The following SLCO6A1 variants were observed in gnomAD, a reference collection of about 807,000 sequenced individuals.
The protein encoded by SLCO6A1 is cancer/testis antigen 48.
Under a neutral mutation model 72.7 loss-of-function variants are expected in SLCO6A1, and 65 were observed. The ratio of observed to expected loss-of-function variants is 0.89; its 90% confidence interval spans 0.73 to 1.10. SLCO6A1 has a LOEUF of 1.10. Ranked by LOEUF, SLCO6A1 falls within the 50% of genes least tolerant of loss-of-function variation. The pLI is 0.00. For missense variants in SLCO6A1, 874 were observed against 872.6 expected, an observed-to-expected ratio of 1.00 and a Z score of -0.02; for synonymous variants, 314 against 298.2, an observed-to-expected ratio of 1.05 and a Z score of -0.55.
At chr5:102,412,936 TATA>T (rs1748067637) in intron 9 of SLCO6A1, 51 bp downstream of exon 9, 1 of 768,640 alleles carries the variant, frequency 1.3e-6, no homozygotes, top group African/African-American at 1.8e-5. Flanking sequence ...ATAATTATAA[TATA>T]ATGAAAATAT....
At chr5:102,480,655 CCTCT>C (rs531804003) in intron 1 of SLCO6A1, among the ~76,000 whole-genome samples, 1 of 152,114 alleles carries the variant, frequency 6.6e-6, no homozygotes, top group Non-Finnish European at 1.5e-5. Flanking sequence ...TTTTTAACTA[CCTCT>C]CTGAGTAATT....
intron 9 of SLCO6A1, among the ~76,000 whole-genome samples, chr5:102,407,159 A>G (rs895909777): frequency 6.6e-6 from 1 of 152,190 alleles, no homozygotes; most frequent in Non-Finnish European, 1.5e-5. Flanking sequence ...TGACATGTCC[A>G]CCAGTGTGCC....
At chr5:102,456,744 A>G (rs1466644331) in intron 6 of SLCO6A1, among the ~76,000 whole-genome samples, 1 of 152,220 alleles carries the variant, frequency 6.6e-6, no homozygotes, top group Non-Finnish European at 1.5e-5. Flanking sequence ...CAGAATTGGA[A>G]AAAACTACTT....
intron 10 of SLCO6A1, among the ~76,000 whole-genome samples, chr5:102,391,500 A>G (rs1746757256): frequency 6.6e-6 from 1 of 152,092 alleles, no homozygotes; most frequent in African/African-American, 2.4e-5. Context: ...TCTTCTGGCT[A>G]CTGATTGGGA....
chr5:102,491,237 T>C (rs1752662070), intron 1 of SLCO6A1, among the ~76,000 whole-genome samples: 1 of 152,158 alleles, frequency 6.6e-6, no homozygotes, highest in African/African-American at 2.4e-5. Flanking sequence ...TTGAGCTAGA[T>C]ACAGAGTGCT....
At chr5:102,397,025 G>T (rs1449465645) in intron 10 of SLCO6A1, among the ~76,000 whole-genome samples, 2 of 152,040 alleles carry the variant, frequency 1.3e-5, no homozygotes, top group Admixed American at 6.5e-5. Flanking sequence ...GTTACAGTGT[G>T]GATTAAGTTG....
chr5:102,480,658 C>T (rs1752149367), intron 1 of SLCO6A1, among the ~76,000 whole-genome samples: 1 of 152,138 alleles, frequency 6.6e-6, no homozygotes, highest in Non-Finnish European at 1.5e-5. Flanking sequence ...TTAACTACCT[C>T]TCTGAGTAAT....
At chr5:102,483,538 GGCAA>G (rs1285874164) in intron 1 of SLCO6A1, among the ~76,000 whole-genome samples, 3 of 152,140 alleles carry the variant, frequency 2.0e-5, no homozygotes, top group Non-Finnish European at 4.4e-5. Flanking sequence ...CTACTGAAGT[GGCAA>G]GCAATTTTTG....
chr5:102,441,757 TA>T lies in SLCO6A1; in HGVS notation c.1132-2997del, dbSNP rs1749846237. Among the ~76,000 whole-genome samples the T allele has an allele frequency of 3.3e-5, 5 of 151,942 alleles. No individual in the cohort carries two copies. In the South Asian group the frequency reaches 6.2e-4, roughly 19 times the overall value. ...TTTTAATTTTTTCATGAAGTTTTTT[TA>T]GCATCTCTGTTAAATAAATTTCTGA... On this transcript the variant is annotated intron_variant, in intron 6 of 13. Coordinates refer to ENST00000506729, the MANE Select transcript of SLCO6A1 (RefSeq NM_173488.5).
intron 4 of SLCO6A1, among the ~76,000 whole-genome samples, chr5:102,474,196 T>C (rs944460339): frequency 6.6e-6 from 1 of 151,824 alleles, no homozygotes; most frequent in Admixed American, 6.6e-5. Context: ...GCTACAGTCC[T>C]CAAAACAGTA....
rs1451021557 is a variant in SLCO6A1, at chr5:102,490,747, C to T, written c.358+7740G>A. 3.3e-5 allele frequency among the ~76,000 whole-genome samples: 5 copies of T among 152,014 alleles called. No individual in the cohort carries two copies. In the South Asian group the frequency reaches 8.4e-4, roughly 25 times the overall value. ...TTCAGGTGGCACATCTGGAGTTGTT[C>T]GTTCCTCCTGGTGGGTTCGTGGTCT... is the stretch of plus-strand genomic sequence containing the variant. On this transcript the variant is annotated intron_variant, in intron 1 of 13. Coordinates refer to ENST00000506729, the MANE Select transcript of SLCO6A1 (RefSeq NM_173488.5).
At chr5:102,468,273 T>C (rs1751409303) in intron 4 of SLCO6A1, among the ~76,000 whole-genome samples, 1 of 152,100 alleles carries the variant, frequency 6.6e-6, no homozygotes, top group Non-Finnish European at 1.5e-5. Context: ...TCTTGGAGAA[T>C]GTTCCATGTG....
intron 9 of SLCO6A1, among the ~76,000 whole-genome samples, chr5:102,405,862 G>A (rs1436141994): frequency 1.3e-5 from 2 of 151,848 alleles, no homozygotes; most frequent in South Asian, 2.1e-4. Context: ...ATAGCTATAA[G>A]ACATGTTACA....
chr5:102,379,292 C>G (rs1458007777), intron 12 of SLCO6A1, among the ~76,000 whole-genome samples: 3 of 151,930 alleles, frequency 2.0e-5, no homozygotes, highest in African/African-American at 7.3e-5. Context: ...AATTTTACTA[C>G]AGTCTGATTT....
chr5:102,498,018 A>G (rs1225790495), intron 1 of SLCO6A1, among the ~76,000 whole-genome samples: 1 of 152,092 alleles, frequency 6.6e-6, no homozygotes, highest in African/African-American at 2.4e-5. Flanking sequence ...TGGGTCAACT[A>G]GTTCTGCCAT....
intron 12 of SLCO6A1, among the ~76,000 whole-genome samples, chr5:102,383,314 A>G (rs1288928082): frequency 6.6e-6 from 1 of 151,446 alleles, no homozygotes; most frequent in Non-Finnish European, 1.5e-5. Flanking sequence ...GCTTTTCACA[A>G]CCATGATATT....
intron 6 of SLCO6A1, among the ~76,000 whole-genome samples, chr5:102,446,144 C>A (rs369942113): frequency 6.6e-6 from 1 of 152,160 alleles, no homozygotes; most frequent in Non-Finnish European, 1.5e-5. Context: ...AGTATTAAAT[C>A]TGTAAATAGC....
intron 10 of SLCO6A1, among the ~76,000 whole-genome samples, chr5:102,393,119 T>C (rs948928542): frequency 9.9e-5 from 15 of 152,130 alleles, no homozygotes; most frequent in South Asian, 2.1e-4. Context: ...TTCAAGCGTA[T>C]AGCTTCATGA....
rs756526781 is a variant in SLCO6A1 at position 102,413,066 on chromosome 5, C to T, written c.1550G>A (p.Cys517Tyr). Residue 517 changes from cysteine to tyrosine, a missense_variant, in exon 9 of 14, where the codon TGT (cysteine) becomes TAT (tyrosine). Cys to Tyr is a radical substitution (Grantham distance 194, BLOSUM62 -2). Transcript: ENST00000506729. Reference sequence around the variant, plus strand: ...AAAATATTCAATATCATCTCTTCCACATATAGAAGAATAAATTGAAGATGA... The same window carrying T: ...AAAATATTCAATATCATCTCTTCCATATATAGAAGAATAAATTGAAGATGA... ...RCSSSIYSSI[C>Y]GRDDIEYFSP... 5.1e-6 allele frequency: 8 copies of T among 1,577,694 alleles called. No individual in the cohort carries two copies. The highest frequency in any genetic ancestry group is 6.9e-6 in the Non-Finnish European group (8 of 1,166,112).
Sources: allele counts gnomAD v4.1 joint callset (sites outside exome capture counted in the v4.1 genomes callset), GRCh38; gene constraint gnomAD v4.1.1; transcripts MANE v1.5; gene names NCBI Gene and HGNC (gene_info 2026-07-23, HGNC 2026-07-21).